TMEM178B: variants seen among roughly 807,000 people sequenced by gnomAD.
The protein encoded by TMEM178B is transmembrane protein 178B.
A neutral mutation model predicts 31.0 loss-of-function variants in TMEM178B; 5 were observed. The ratio of observed to expected loss-of-function variants is 0.16; its 90% CI spans 0.08 to 0.34. The LOEUF (loss-of-function observed/expected upper bound fraction) is 0.34. TMEM178B is among the 10% of genes least tolerant of loss of function. The pLI is 1.00. For missense variants in TMEM178B, 275 were observed against 400.3 expected (o/e 0.69, Z 2.67); for synonymous variants, 164 against 164.0 (o/e 1.00, Z 0.00).
At chr7:141,290,143 G>A (rs1330662035) in intron 2 of TMEM178B, among the ~76,000 whole-genome samples, 2 of 152,160 alleles carry the variant, frequency 1.3e-5, no homozygotes, top group Non-Finnish European at 2.9e-5. Flanking sequence ...GGAGCAGATG[G>A]TCTCCTTGTA....
chr7:141,107,534 G>A (rs1795166800), intron 1 of TMEM178B, among the ~76,000 whole-genome samples: 1 of 152,102 alleles, frequency 6.6e-6, no homozygotes, highest in Admixed American at 6.6e-5. Flanking sequence ...GTATGTAGAG[G>A]GGATATGAGA....
intron 2 of TMEM178B, among the ~76,000 whole-genome samples, chr7:141,411,094 T>G (rs1420455945): frequency 6.6e-6 from 1 of 151,144 alleles, no homozygotes. Flanking sequence ...AAAAAGAAAT[T>G]AGAATGGTGG....
At chr7:141,160,821 T>TA (rs1586802333) in intron 1 of TMEM178B, among the ~76,000 whole-genome samples, 2 of 152,174 alleles carry the variant, frequency 1.3e-5, no homozygotes, top group African/African-American at 4.8e-5. Flanking sequence ...GAGATTCAAT[T>TA]ATTAACCTTA....
chr7:141,325,823 G>GA (rs10713278), intron 2 of TMEM178B, among the ~76,000 whole-genome samples: 7 of 150,390 alleles, frequency 4.7e-5, no homozygotes, highest in African/African-American at 1.5e-4. Context: ...ACAGCCCTGG[G>GA]AAAAAAAAAA....
chr7:141,237,952 G>C (rs1018926508), intron 2 of TMEM178B, among the ~76,000 whole-genome samples: 2 of 151,582 alleles, frequency 1.3e-5, no homozygotes, highest in Non-Finnish European at 2.9e-5. Flanking sequence ...GAACCTGGGG[G>C]AGCTGAGGTT....
At chr7:141,247,507 C>T (rs1473607205) in intron 2 of TMEM178B, among the ~76,000 whole-genome samples, 1 of 152,174 alleles carries the variant, frequency 6.6e-6, no homozygotes, top group Admixed American at 6.5e-5. Context: ...AATTCAGCTG[C>T]CTCCAAGCGA....
intron 1 of TMEM178B, among the ~76,000 whole-genome samples, chr7:141,167,582 C>A (rs1383562867): frequency 1.3e-5 from 2 of 152,216 alleles, no homozygotes; most frequent in Non-Finnish European, 2.9e-5. Flanking sequence ...CGCTCTTTTT[C>A]GTCCCTTTGA....
chr7:141,135,841 A>G (rs1305814358), intron 1 of TMEM178B, among the ~76,000 whole-genome samples: 1 of 152,188 alleles, frequency 6.6e-6, no homozygotes. Flanking sequence ...GGAATAAACC[A>G]AATCCCAAAT....
Position 141,074,466 on chromosome 7 carries a change from C to T in TMEM178B, c.156C>T (p.Asp52=). The change falls in exon 1 of 4, where the codon GAC becomes GAT. Residue 52 remains aspartate (D), a synonymous_variant. Transcript: ENST00000565468. The surrounding 1 kb of genome is among the most constrained non-coding windows in gnomAD (Gnocchi z 5.1). ...AGGCCTTCAACACCCGCCGGGTCGA[C>T]CCCGGCTTCATTTACAACAATAACA... ...RCKAFNTRRV[D]PGFIYNNNNN... 6.5e-7 allele frequency: 1 copy of T among 1,536,114 alleles called. No homozygotes were observed. The highest frequency in any genetic ancestry group is 8.7e-7 in the Non-Finnish European group (1 of 1,146,862).
At chr7:141,493,418 AAGAG>A in the TMEM178B span, among the ~76,000 whole-genome samples, 1 of 152,194 alleles carries the variant, frequency 6.6e-6, no homozygotes, top group Non-Finnish European at 1.5e-5. Context: ...TTGACTTCAC[AAGAG>A]AGAGAAAGTA....
At position 141,477,257 on chromosome 7, in the gene TMEM178B, G is replaced by A. The variant is rs1056776358; in HGVS notation, c.*6471G>A. 1 of 154,782 alleles carries A rather than the reference G, an allele frequency of 6.5e-6. No individual in the cohort carries two copies. Among genetic ancestry groups the A allele is most frequent in the Admixed American group, 6.5e-5 (1 of 15,288 alleles). The allele number at this position is 154,782 out of a possible 1,614,324, so 9.6% of individuals were successfully genotyped here. ...ACTGTTTTGCTATTCAAGACTATCT[G>A]TAAAAATGTACAAATAAAAGTGAAA... On this transcript the variant is annotated 3_prime_UTR_variant, in exon 4 of 4. Coordinates refer to ENST00000565468, the MANE Select transcript of TMEM178B (RefSeq NM_001195278.2).
intron 3 of TMEM178B, among the ~76,000 whole-genome samples, chr7:141,442,088 G>A (rs1056611155): frequency 6.6e-6 from 1 of 152,234 alleles, no homozygotes; most frequent in Non-Finnish European, 1.5e-5. Context: ...GGGAAAGACT[G>A]CAGGCAAGGG....
intron 1 of TMEM178B, among the ~76,000 whole-genome samples, chr7:141,125,404 C>G (rs11763883): frequency 6.6e-6 from 1 of 151,864 alleles, no homozygotes; most frequent in African/African-American, 2.4e-5. Flanking sequence ...AGCCCGGCGC[C>G]GGATGTGGTG....
At chr7:141,196,024 T>C (rs1796777553) in intron 1 of TMEM178B, among the ~76,000 whole-genome samples, 1 of 152,128 alleles carries the variant, frequency 6.6e-6, no homozygotes, top group East Asian at 1.9e-4. Context: ...GAGATACAAT[T>C]CAAGTTGAGA....
chr7:141,483,239 ACTACACACTGAG>A (rs1239546305), downstream of TMEM178B, among the ~76,000 whole-genome samples: 3 of 152,152 alleles, frequency 2.0e-5, no homozygotes, highest in Non-Finnish European at 4.4e-5. Context: ...TCAACCCTCT[ACTACACACTGAG>A]CTATGTGCTG....
At chr7:141,202,422 G>GGTCCC (rs1297541587) in intron 1 of TMEM178B, among the ~76,000 whole-genome samples, 1 of 152,042 alleles carries the variant, frequency 6.6e-6, no homozygotes, top group Non-Finnish European at 1.5e-5. Flanking sequence ...TAATGAGGAG[G>GGTCCC]GTCCCCTGAG....
chr7:141,268,006 G>T (rs575350340), intron 2 of TMEM178B, among the ~76,000 whole-genome samples: 17 of 152,208 alleles, frequency 1.1e-4, no homozygotes, highest in Non-Finnish European at 2.4e-4. Context: ...TGTCTCCCAT[G>T]CCACTCTGCT....
At chr7:141,310,085 TG>T (rs1798882134) in intron 2 of TMEM178B, among the ~76,000 whole-genome samples, 1 of 152,186 alleles carries the variant, frequency 6.6e-6, no homozygotes, top group African/African-American at 2.4e-5. Flanking sequence ...AATTGACAAA[TG>T]GGATCTAATT....
At chr7:141,427,323 CTATAG>C (rs1035218968) in intron 2 of TMEM178B, among the ~76,000 whole-genome samples, 7 of 152,088 alleles carry the variant, frequency 4.6e-5, no homozygotes, top group Non-Finnish European at 1.0e-4. Flanking sequence ...TACTGCAAAA[CTATAG>C]TAATCAAAAC....
Sources: gnomAD v4.1 joint callset for allele counts (sites outside exome capture counted in the v4.1 genomes callset) on GRCh38, gnomAD v4.1.1 for gene constraint, Gnocchi (gnomAD v3.1) non-coding constraint, MANE v1.5 for transcripts, NCBI Gene and HGNC (gene_info 2026-07-23, HGNC 2026-07-21) for gene names.